Variants in KLRG2 observed in about 807,000 individuals in gnomAD.
KLRG2 encodes killer cell lectin like receptor G2, also known as killer cell lectin-like receptor subfamily G member 2.
KLRG2 carries 39 observed loss-of-function variants against 35.4 expected under a neutral mutation model. That is an observed-to-expected ratio of 1.10 (90% confidence interval 0.85 to 1.44). The LOEUF is 1.44. Among genes scored for constraint, KLRG2 ranks in the 40% most tolerant of loss-of-function variants. The pLI, the probability that KLRG2 is intolerant of heterozygous loss-of-function variation, is 0.00. For missense variants in KLRG2, 632 were observed against 570.9 expected (o/e 1.11, Z -1.09); for synonymous variants, 283 against 265.8 (o/e 1.06, Z -0.63).
chr7:139,454,003 G>C, intron 4 of KLRG2, 108 bp downstream of exon 4: 1 of 784,950 alleles, frequency 1.3e-6, no homozygotes, highest in South Asian at 1.5e-5. Flanking sequence ...GGCGTGGGCT[G>C]CTTTCCAAGT....
intron 3 of KLRG2, among the ~76,000 whole-genome samples, chr7:139,477,916 G>A (rs1016775191): frequency 5.3e-5 from 8 of 151,890 alleles, no homozygotes; most frequent in Non-Finnish European, 1.2e-4. Flanking sequence ...CCGCCACCGC[G>A]CCCGGCTAAT....
intron 3 of KLRG2, among the ~76,000 whole-genome samples, chr7:139,460,084 C>T (rs1442943520): frequency 1.3e-5 from 2 of 152,148 alleles, no homozygotes; most frequent in Non-Finnish European, 2.9e-5. Flanking sequence ...GTGGGTTTCA[C>T]CATGTTGGCC....
chr7:139,432,750 C>T, the KLRG2 span, among the ~76,000 whole-genome samples: 2 of 152,126 alleles, frequency 1.3e-5, no homozygotes, highest in Admixed American at 1.3e-4. Context: ...TTTAAGTCAC[C>T]TCTACATTGC....
chr7:139,432,659 G>A, the KLRG2 span, among the ~76,000 whole-genome samples: 8 of 151,016 alleles, frequency 5.3e-5, no homozygotes. Context: ...GGGTTCAAGC[G>A]CCACATCTGA....
At chr7:139,435,787 T>C in the KLRG2 span, among the ~76,000 whole-genome samples, 6 of 152,218 alleles carry the variant, frequency 3.9e-5, no homozygotes, top group African/African-American at 1.4e-4. Flanking sequence ...CCTTTTCACA[T>C]TGAGTAGAAT....
chr7:139,468,058 A>G (rs1320700199), intron 3 of KLRG2, among the ~76,000 whole-genome samples: 1 of 152,204 alleles, frequency 6.6e-6, no homozygotes, highest in Non-Finnish European at 1.5e-5. Context: ...GTGTGTGCAT[A>G]TCTAAAGCAC....
chr7:139,446,349 T>TG, the KLRG2 span, among the ~76,000 whole-genome samples: 1 of 147,070 alleles, frequency 6.8e-6, no homozygotes, highest in Non-Finnish European at 1.5e-5. Flanking sequence ...TTTTTTTTTT[T>TG]TTTTTTTTTT....
chr7:139,429,957 C>G, the KLRG2 span, among the ~76,000 whole-genome samples: 4 of 151,862 alleles, frequency 2.6e-5, no homozygotes, highest in East Asian at 7.7e-4. Context: ...GCTGGCCGGG[C>G]GGGGGGCTGA....
chr7:139,458,195 T>C (rs981011518), intron 3 of KLRG2, among the ~76,000 whole-genome samples: 3 of 151,898 alleles, frequency 2.0e-5, no homozygotes, highest in Admixed American at 6.6e-5. Flanking sequence ...CTGGGTAACA[T>C]AGTGAGACCC....
At chr7:139,432,809 G>T in the KLRG2 span, among the ~76,000 whole-genome samples, 95 of 152,080 alleles carry the variant, frequency 6.2e-4, no homozygotes, top group Non-Finnish European at 1.1e-3. Flanking sequence ...TTGTTACATT[G>T]TTTGTATATC....
the KLRG2 span, among the ~76,000 whole-genome samples, chr7:139,443,185 C>T: frequency 1.3e-5 from 2 of 148,240 alleles, no homozygotes; most frequent in South Asian, 4.3e-4. Context: ...ACCTCTGCCT[C>T]CCAGGTTCAA....
At chr7:139,457,659 C>G (rs896351010) in intron 3 of KLRG2, among the ~76,000 whole-genome samples, 10 of 152,180 alleles carry the variant, frequency 6.6e-5, no homozygotes, top group African/African-American at 2.4e-4. Context: ...AGGACCCTGT[C>G]CTTCTGTCAG....
Position 139,482,889 on chromosome 7 carries a change from TA to T in KLRG2, c.753del (p.Thr252ArgfsTer7). 6.8e-7 allele frequency: 1 copy of T among 1,472,268 alleles called. No homozygotes were observed. Among genetic ancestry groups the T allele is most frequent in the Non-Finnish European group, 8.9e-7 (1 of 1,123,518 alleles). 91.2% of individuals were successfully genotyped at this position (1,472,268 alleles called of 1,614,324 possible). A position where few individuals can be genotyped will look rare whatever the true frequency, so the allele number is the denominator to read the frequency against. On this transcript the variant is annotated frameshift_variant, in exon 1 of 5. Transcript: ENST00000340940. LOFTEE classifies it high-confidence loss of function. ...GCCGGCGCAGGTGAGCACTCACCCG[TA>T]AGCGTTACGGCCCGGGGCAGCTTCT... ...GDEKLPRAVT[L>X]TGLPMYVKSL...
At chr7:139,476,521 A>T (rs888676752) in intron 3 of KLRG2, among the ~76,000 whole-genome samples, 1 of 151,576 alleles carries the variant, frequency 6.6e-6, no homozygotes, top group Non-Finnish European at 1.5e-5. Flanking sequence ...GGCTCACTGC[A>T]TCCTGTCTTC....
At chr7:139,451,653 G>A (rs1027824105), downstream of KLRG2, among the ~76,000 whole-genome samples, 5 of 152,024 alleles carry the variant, frequency 3.3e-5, no homozygotes, top group South Asian at 2.1e-4. Context: ...CCTCTACTGC[G>A]TGCTGGGATG....
chr7:139,453,995 C>G, intron 4 of KLRG2, 116 bp downstream of exon 4: 4 of 747,944 alleles, frequency 5.3e-6, no homozygotes, highest in Non-Finnish European at 9.2e-6. Context: ...CGAGCATGGG[C>G]GTGGGCTGCT....
intron 3 of KLRG2, among the ~76,000 whole-genome samples, chr7:139,469,111 C>T: frequency 6.6e-6 from 1 of 152,212 alleles, no homozygotes; most frequent in Non-Finnish European, 1.5e-5. Context: ...GCTAACCAGT[C>T]TGCAGTATTT....
At chr7:139,449,287 A>G (rs1339866840), downstream of KLRG2, among the ~76,000 whole-genome samples, 1 of 151,324 alleles carries the variant, frequency 6.6e-6, no homozygotes, top group Non-Finnish European at 1.5e-5. Context: ...CTATAATCCC[A>G]GCTACTCGGA....
intron 3 of KLRG2, among the ~76,000 whole-genome samples, chr7:139,455,646 G>C (rs1228797788): frequency 1.3e-5 from 2 of 152,162 alleles, no homozygotes; most frequent in African/African-American, 2.4e-5. Context: ...GGAAAAAAAA[G>C]TTTAAATCTT....
Sources: allele counts gnomAD v4.1 joint callset (sites outside exome capture counted in the v4.1 genomes callset), GRCh38; gene constraint gnomAD v4.1.1; transcripts MANE v1.5; gene names NCBI Gene and HGNC (gene_info 2026-07-23, HGNC 2026-07-21).